The following GMPR variants were observed in gnomAD, a reference collection of about 807,000 sequenced individuals.
GMPR encodes GMP reductase 1.
Under a neutral mutation model 38.4 loss-of-function variants are expected in GMPR, and 31 were observed. The observed-to-expected ratio is 0.81, with a 90% confidence interval of 0.61 to 1.09. The LOEUF (loss-of-function observed/expected upper bound fraction) is 1.09, where lower values mean the gene tolerates loss of function less well. GMPR is among the 50% of genes least tolerant of loss of function. The pLI, the probability that GMPR is intolerant of heterozygous loss-of-function variation, is 0.00. For synonymous variants in GMPR, 162 were observed against 173.3 expected, an observed-to-expected ratio of 0.93 and a Z score of 0.51; for missense variants, 468 against 453.7, an observed-to-expected ratio of 1.03 and a Z score of -0.29.
chr6:16,294,930 G>GC, intron 8 of GMPR, 76 bp from the exon 9 acceptor site: 1 of 1,180,678 alleles, frequency 8.5e-7, no homozygotes, highest in South Asian at 1.3e-5. Flanking sequence ...AAGTGCTGGA[G>GC]CTGGGAGTAA....
intron 1 of GMPR, among the ~76,000 whole-genome samples, chr6:16,240,920 C>G (rs1022033510): frequency 3.9e-5 from 6 of 151,938 alleles, no homozygotes; most frequent in African/African-American, 1.5e-4. Context: ...TGGTTTAGCT[C>G]CCTGATGCGT....
At chr6:16,290,390 G>T (rs956746305) in intron 7 of GMPR, 72 bp from the exon 8 acceptor site, 38 of 1,416,650 alleles carry the variant, frequency 2.7e-5, no homozygotes, top group Non-Finnish European at 3.6e-5. Context: ...CAAGCACTGG[G>T]ATTTTTTGAG....
chr6:16,290,258 G>C, intron 7 of GMPR: 1 of 617,676 alleles, frequency 1.6e-6, no homozygotes, highest in Non-Finnish European at 2.9e-6. Context: ...TTTGTTTCTC[G>C]CAGTGTCCCA....
intron 7 of GMPR, among the ~76,000 whole-genome samples, chr6:16,287,649 G>C (rs1346590947): frequency 6.6e-6 from 1 of 152,234 alleles, no homozygotes; most frequent in East Asian, 1.9e-4. Flanking sequence ...AGCTGCCGCA[G>C]AGGTGCTGTG....
chr6:16,288,610 C>T (rs960379637), intron 7 of GMPR, among the ~76,000 whole-genome samples: 5 of 152,240 alleles, frequency 3.3e-5, no homozygotes, highest in African/African-American at 1.2e-4. Context: ...GGCCCCCAGT[C>T]CCGTCAACCA....
At chr6:16,291,958 G>C (rs542228457) in intron 8 of GMPR, among the ~76,000 whole-genome samples, 2 of 151,712 alleles carry the variant, frequency 1.3e-5, no homozygotes, top group Non-Finnish European at 1.5e-5. Context: ...GCCTCACCCT[G>C]CTCCATAGAG....
intron 4 of GMPR, among the ~76,000 whole-genome samples, chr6:16,265,801 C>T (rs1001051760): frequency 6.6e-6 from 1 of 152,200 alleles, no homozygotes; most frequent in Non-Finnish European, 1.5e-5. Context: ...CCCGGATAAC[C>T]CACTCCGGAA....
intron 7 of GMPR, among the ~76,000 whole-genome samples, chr6:16,289,046 T>G (rs1456765466): frequency 1.3e-5 from 2 of 152,226 alleles, no homozygotes; most frequent in African/African-American, 2.4e-5. Flanking sequence ...GGCAAACCCT[T>G]CTGGCTCCTT....
Position 16,238,763 on chromosome 6 carries a change from C to G in GMPR, c.70C>G (p.Leu24Val). The change falls in exon 1 of 9, where the codon CTC becomes GTC. Residue 24 changes from leucine to valine, a missense_variant. By Grantham distance (32) the Leu-to-Val change is conservative. Transcript: ENST00000259727. ...CCTGCTCCGACCTAAGCGGAGCAGC[C>G]TCAAGAGCCGAGCCGAGGTGGGGGA... ...DVLLRPKRSS[L>V]KSRAEVDLER... The G allele has an allele frequency of 6.8e-7, 1 of 1,463,358 alleles. No individual in the cohort carries two copies. Among genetic ancestry groups the G allele is most frequent in the Non-Finnish European group, 9.2e-7 (1 of 1,092,724 alleles). The allele number at this position is 1,463,358 out of a possible 1,614,324, so 90.6% of individuals were successfully genotyped here.
chr6:16,258,346 G>T (rs1308827984), intron 4 of GMPR, among the ~76,000 whole-genome samples: 2 of 152,242 alleles, frequency 1.3e-5, no homozygotes, highest in East Asian at 3.8e-4. Flanking sequence ...ACTGTGAGCT[G>T]CCTGTTGGAC....
chr6:16,265,295 G>C (rs184853646), intron 4 of GMPR, among the ~76,000 whole-genome samples: 16 of 152,262 alleles, frequency 1.1e-4, no homozygotes, highest in Non-Finnish European at 1.9e-4. Context: ...AGAGGTAATA[G>C]CACCTACTTT....
intron 1 of GMPR, among the ~76,000 whole-genome samples, chr6:16,243,694 T>A (rs1471616509): frequency 6.6e-6 from 1 of 152,216 alleles, no homozygotes; most frequent in African/African-American, 2.4e-5. Context: ...GCCTCTGTCC[T>A]GGGTCCCACG....
intron 5 of GMPR, among the ~76,000 whole-genome samples, chr6:16,276,418 G>T (rs777592240): frequency 6.6e-6 from 1 of 152,084 alleles, no homozygotes; most frequent in African/African-American, 2.4e-5. Flanking sequence ...TGATCCACCC[G>T]CCTTGGCCTC....
At chr6:16,267,031 C>T (rs534704517) in intron 4 of GMPR, among the ~76,000 whole-genome samples, 1 of 150,422 alleles carries the variant, frequency 6.6e-6, no homozygotes, top group Non-Finnish European at 1.5e-5. Flanking sequence ...TGTAACACTC[C>T]CTGCGAAAAA....
chr6:16,241,884 G>A (rs1758654667), intron 1 of GMPR, among the ~76,000 whole-genome samples: 1 of 151,900 alleles, frequency 6.6e-6, no homozygotes, highest in Admixed American at 6.6e-5. Flanking sequence ...TGGGATTACA[G>A]GCACCTACCA....
At chr6:16,287,961 G>C (rs6459467) in intron 7 of GMPR, among the ~76,000 whole-genome samples, 1 of 152,048 alleles carries the variant, frequency 6.6e-6, no homozygotes, top group Non-Finnish European at 1.5e-5. Context: ...TCCTCCTCCT[G>C]ATTAGGATTT....
chr6:16,278,687 C>A, intron 5 of GMPR, 97 bp from the exon 6 acceptor site: 1 of 838,278 alleles, frequency 1.2e-6, no homozygotes, highest in Non-Finnish European at 2.0e-6. Flanking sequence ...CACCCTGGTC[C>A]CTAAAGCAGG....
intron 4 of GMPR, among the ~76,000 whole-genome samples, chr6:16,270,666 T>C (rs181906108): frequency 5.9e-5 from 9 of 152,310 alleles, no homozygotes; most frequent in Non-Finnish European, 1.2e-4. Context: ...ATTGACAGCT[T>C]TTTGTTCCTG....
intron 1 of GMPR, among the ~76,000 whole-genome samples, chr6:16,241,131 A>T (rs1758640671): frequency 6.6e-6 from 1 of 152,158 alleles, no homozygotes; most frequent in Non-Finnish European, 1.5e-5. Context: ...CAGAAGTAAT[A>T]TCTGGAGGCA....
Sources: allele counts gnomAD v4.1 joint callset (sites outside exome capture counted in the v4.1 genomes callset), GRCh38; gene constraint gnomAD v4.1.1; transcripts MANE v1.5; gene names NCBI Gene and HGNC (gene_info 2026-07-23, HGNC 2026-07-21).